Variants in TRPM3 observed in about 807,000 individuals in gnomAD.
TRPM3 encodes the protein long transient receptor potential channel 3.
TRPM3 carries 77 observed loss-of-function variants against 181.2 expected under a neutral mutation model. The ratio of observed to expected loss-of-function variants is 0.42; its 90% CI spans 0.35 to 0.51. TRPM3 has a LOEUF of 0.51. TRPM3 is among the 20% of genes least tolerant of loss of function. The pLI, the probability that TRPM3 is intolerant of heterozygous loss-of-function variation, is 0.01. For missense variants in TRPM3, 1,759 were observed against 2,196.7 expected (o/e 0.80, Z 3.98); for synonymous variants, 745 against 796.4 (o/e 0.94, Z 1.09).
rs1450678711 is a variant in TRPM3 at position 71,093,479 on chromosome 9, A to AG, written c.177+27698_177+27699insC. Among the ~76,000 whole-genome samples, 4 of 73,038 alleles carry AG rather than the reference A, an allele frequency of 5.5e-5. No homozygotes were observed. The East Asian group carries it at 2.1e-3, about 38-fold the overall frequency. The allele number at this position is 73,038 out of a possible 152,430, so 47.9% of individuals were successfully genotyped here. ...ATATTTATGCAGCCAACAGACATAT[A>AG]AAAAAAAATCTTATCAGCACTGGTC... On this transcript the variant is annotated intron_variant, in intron 1 of 25. Coordinates refer to ENST00000677713, the MANE Select transcript of TRPM3 (RefSeq NM_001366145.2).
chr9:71,254,893 T>C (rs2082579655), intron 1 of TRPM3, among the ~76,000 whole-genome samples: 1 of 152,202 alleles, frequency 6.6e-6, no homozygotes, highest in Non-Finnish European at 1.5e-5. Context: ...GGTCCCTTCT[T>C]ACCTTTCATC....
chr9:71,382,237 C>A (rs1285315154), intron 1 of TRPM3, among the ~76,000 whole-genome samples: 2 of 152,110 alleles, frequency 1.3e-5, no homozygotes, highest in Admixed American at 6.6e-5. Flanking sequence ...AGCTACATCT[C>A]TAACCCTCTA....
intron 1 of TRPM3, among the ~76,000 whole-genome samples, chr9:71,262,118 C>T (rs1320461968): frequency 6.6e-6 from 1 of 152,188 alleles, no homozygotes; most frequent in Non-Finnish European, 1.5e-5. Flanking sequence ...GCCCCTTCCC[C>T]CGGGTGCTCT....
chr9:70,798,890 C>A (rs2088022107), intron 6 of TRPM3, among the ~76,000 whole-genome samples: 1 of 152,156 alleles, frequency 6.6e-6, no homozygotes, highest in South Asian at 2.1e-4. Flanking sequence ...TAGAGAAGAA[C>A]ATGCTGAGTG....
chr9:71,024,700 A>C (rs2097877953), intron 1 of TRPM3, among the ~76,000 whole-genome samples: 1 of 152,228 alleles, frequency 6.6e-6, no homozygotes, highest in Non-Finnish European at 1.5e-5. Flanking sequence ...ATGCCTATAA[A>C]AAGCTTAGAA....
At chr9:71,106,396 T>C (rs2069577147) in intron 1 of TRPM3, among the ~76,000 whole-genome samples, 1 of 152,108 alleles carries the variant, frequency 6.6e-6, no homozygotes, top group Non-Finnish European at 1.5e-5. Flanking sequence ...AGGGAGTTCT[T>C]GCTCTGCATC....
intron 22 of TRPM3, among the ~76,000 whole-genome samples, chr9:70,588,674 C>T (rs145561127): frequency 4.3e-4 from 66 of 152,184 alleles, no homozygotes; most frequent in Middle Eastern, 3.4e-3. Context: ...AACCTGGGCA[C>T]GACACAGAAA....
At chr9:70,561,830 G>A (rs1446251683) in intron 22 of TRPM3, among the ~76,000 whole-genome samples, 1 of 152,040 alleles carries the variant, frequency 6.6e-6, no homozygotes, top group Non-Finnish European at 1.5e-5. Flanking sequence ...ACACAAGCAG[G>A]GCATTAAATG....
chr9:70,638,741 C>T (rs1253254152), intron 11 of TRPM3, among the ~76,000 whole-genome samples: 1 of 152,198 alleles, frequency 6.6e-6, no homozygotes, highest in East Asian at 1.9e-4. Flanking sequence ...TGCTAATTGC[C>T]TCTAACACCC....
At chr9:71,268,146 C>T (rs117489188) in intron 1 of TRPM3, among the ~76,000 whole-genome samples, 2,856 of 151,862 alleles carry the variant, frequency 0.019, 52 homozygotes, top group South Asian at 0.077. Context: ...TTTGGGAGAC[C>T]GAAGCAGTTG....
chr9:71,270,769 T>C (rs1322110228), intron 1 of TRPM3, among the ~76,000 whole-genome samples: 1 of 152,234 alleles, frequency 6.6e-6, no homozygotes, highest in Non-Finnish European at 1.5e-5. Flanking sequence ...GGCATGTGAC[T>C]CATGATGTGT....
At chr9:70,659,016 A>C (rs2060752350) in intron 9 of TRPM3, among the ~76,000 whole-genome samples, 1 of 152,130 alleles carries the variant, frequency 6.6e-6, no homozygotes, top group South Asian at 2.1e-4. Flanking sequence ...CCTATGAACA[A>C]AATTTGGAGC....
At chr9:71,191,640 T>G (rs1206323199) in intron 1 of TRPM3, among the ~76,000 whole-genome samples, 1 of 151,784 alleles carries the variant, frequency 6.6e-6, no homozygotes, top group Non-Finnish European at 1.5e-5. Context: ...TATACTCCCC[T>G]GCAAGCCTAC....
intron 1 of TRPM3, among the ~76,000 whole-genome samples, chr9:71,223,012 G>A (rs2080335461): frequency 6.6e-6 from 1 of 152,144 alleles, no homozygotes; most frequent in South Asian, 2.1e-4. Context: ...GTGCTGAACT[G>A]GGCTCAGAGC....
At chr9:71,220,120 A>G (rs1212392395) in intron 1 of TRPM3, among the ~76,000 whole-genome samples, 1 of 152,150 alleles carries the variant, frequency 6.6e-6, no homozygotes, top group African/African-American at 2.4e-5. Flanking sequence ...GTTCCCTTAA[A>G]AATTACATGT....
intron 1 of TRPM3, chr9:70,917,159 T>A (rs2096605255): frequency 1.2e-6 from 2 of 1,605,836 alleles, no homozygotes; most frequent in Non-Finnish European, 1.7e-6. Context: ...GGCATACTGG[T>A]CCAGTTCTAG....
intron 1 of TRPM3, among the ~76,000 whole-genome samples, chr9:71,283,744 G>C (rs890366582): frequency 9.2e-5 from 14 of 152,152 alleles, no homozygotes; most frequent in Admixed American, 8.5e-4. Flanking sequence ...TCAAGATTCT[G>C]CTTTCAATTC....
At chr9:71,255,228 A>G (rs1308394623) in intron 1 of TRPM3, among the ~76,000 whole-genome samples, 1 of 152,210 alleles carries the variant, frequency 6.6e-6, no homozygotes, top group Non-Finnish European at 1.5e-5. Context: ...AATGTTGAAG[A>G]TTTTTAAAAA....
At chr9:70,545,599 C>T (rs113791587) in intron 25 of TRPM3, among the ~76,000 whole-genome samples, 56 of 133,988 alleles carry the variant, frequency 4.2e-4, no homozygotes, top group East Asian at 2.2e-3. Context: ...CAGGCTAGAG[C>T]GCAGTGGTAC....
Sources: allele counts gnomAD v4.1 joint callset (sites outside exome capture counted in the v4.1 genomes callset), GRCh38; gene constraint gnomAD v4.1.1; transcripts MANE v1.5; gene names NCBI Gene and HGNC (gene_info 2026-07-23, HGNC 2026-07-21).